Variants in DLG2 observed in about 807,000 individuals in gnomAD.
DLG2 encodes disks large homolog 2.
Under a neutral mutation model 132.5 loss-of-function variants are expected in DLG2, and 45 were observed. The observed-to-expected ratio is 0.34, with a 90% confidence interval of 0.27 to 0.44. The LOEUF (loss-of-function observed/expected upper bound fraction) is 0.44. DLG2 is among the 20% of genes least tolerant of loss of function. The probability of loss-of-function intolerance (pLI) is 1.00; values close to 1 mark genes in which losing one functional copy is unlikely to be tolerated. For missense variants in DLG2, 1,045 were observed against 1,196.9 expected (o/e 0.87, Z 1.87); for synonymous variants, 424 against 419.6 (o/e 1.01, Z -0.13).
At chr11:84,326,796 C>T (rs2098435349) in intron 7 of DLG2, among the ~76,000 whole-genome samples, 1 of 152,112 alleles carries the variant, frequency 6.6e-6, no homozygotes, top group South Asian at 2.1e-4. Flanking sequence ...GATACTCTGT[C>T]CATTATTGAA....
At chr11:85,507,738 A>G (rs1166974460) in intron 3 of DLG2, among the ~76,000 whole-genome samples, 1 of 152,006 alleles carries the variant, frequency 6.6e-6, no homozygotes, top group Non-Finnish European at 1.5e-5. Flanking sequence ...TATTTCCTGA[A>G]TTTGAATGTT....
intron 6 of DLG2, among the ~76,000 whole-genome samples, chr11:84,690,519 A>C (rs980765483): frequency 2.0e-5 from 3 of 151,904 alleles, no homozygotes; most frequent in African/African-American, 7.2e-5. Context: ...CTCTCATTGA[A>C]AACAATGTAG....
chr11:85,109,029 T>C (rs2072274433), intron 6 of DLG2, among the ~76,000 whole-genome samples: 1 of 148,174 alleles, frequency 6.7e-6, no homozygotes, highest in African/African-American at 2.5e-5. Flanking sequence ...ACCAGTTTGG[T>C]ATATCTCCAG....
intron 6 of DLG2, among the ~76,000 whole-genome samples, chr11:84,892,098 A>C (rs2089488483): frequency 6.6e-6 from 1 of 152,190 alleles, no homozygotes; most frequent in South Asian, 2.1e-4. Context: ...TGGGAATATA[A>C]TTGCATAGTA....
intron 6 of DLG2, among the ~76,000 whole-genome samples, chr11:84,623,319 G>T (rs760951712): frequency 6.6e-6 from 1 of 151,934 alleles, no homozygotes; most frequent in Non-Finnish European, 1.5e-5. Flanking sequence ...ACACAAACTT[G>T]CTCCCTCCCT....
chr11:83,795,483 A>G (rs1311683733), intron 17 of DLG2, among the ~76,000 whole-genome samples: 2 of 151,644 alleles, frequency 1.3e-5, no homozygotes, highest in East Asian at 3.9e-4. Context: ...AAGTTCCTTA[A>G]TCATACACAT....
chr11:83,675,725 C>A (rs1053490321), intron 18 of DLG2, among the ~76,000 whole-genome samples: 3 of 152,168 alleles, frequency 2.0e-5, no homozygotes, highest in African/African-American at 7.2e-5. Context: ...TGGCTTCTGG[C>A]TGTCTGGTGA....
intron 6 of DLG2, among the ~76,000 whole-genome samples, chr11:84,566,453 C>A (rs2099456202): frequency 6.6e-6 from 1 of 152,106 alleles, no homozygotes; most frequent in Non-Finnish European, 1.5e-5. Context: ...GGATAATGCC[C>A]AGTGAATACA....
intron 6 of DLG2, among the ~76,000 whole-genome samples, chr11:84,904,876 G>A (rs1386882147): frequency 6.6e-6 from 1 of 152,072 alleles, no homozygotes; most frequent in African/African-American, 2.4e-5. Flanking sequence ...ATGTTTATTA[G>A]GCTCATTGTA....
At chr11:83,865,780 G>C (rs1012772822) in intron 16 of DLG2, among the ~76,000 whole-genome samples, 1 of 152,128 alleles carries the variant, frequency 6.6e-6, no homozygotes, top group Non-Finnish European at 1.5e-5. Context: ...TGATAAGCAA[G>C]TGGAAGACCC....
intron 25 of DLG2, among the ~76,000 whole-genome samples, chr11:83,468,207 A>C (rs185471007): frequency 6.6e-6 from 1 of 152,200 alleles, no homozygotes; most frequent in Non-Finnish European, 1.5e-5. Context: ...ATGAAAATGA[A>C]TACAGTCCAG....
chr11:84,312,739 C>A (rs1023249129), intron 7 of DLG2, among the ~76,000 whole-genome samples: 1 of 152,096 alleles, frequency 6.6e-6, no homozygotes, highest in Non-Finnish European at 1.5e-5. Flanking sequence ...CCATTATAGG[C>A]TGTAAGCTCC....
At chr11:84,708,030 G>A (rs1469243892) in intron 6 of DLG2, among the ~76,000 whole-genome samples, 1 of 151,718 alleles carries the variant, frequency 6.6e-6, no homozygotes, top group Non-Finnish European at 1.5e-5. Flanking sequence ...GTCACTTTGG[G>A]CAAGGTATAG....
chr11:85,602,778 T>C (rs2080258708), intron 2 of DLG2, among the ~76,000 whole-genome samples: 1 of 152,166 alleles, frequency 6.6e-6, no homozygotes, highest in African/African-American at 2.4e-5. Context: ...AACCACAGTA[T>C]GCTGTTTCTC....
intron 22 of DLG2, among the ~76,000 whole-genome samples, chr11:83,477,274 C>G (rs927101520): frequency 6.6e-6 from 1 of 152,080 alleles, no homozygotes; most frequent in African/African-American, 2.4e-5. Context: ...GCCAAAAATA[C>G]AAGGCTGAAT....
chr11:84,370,750 G>T (rs766778115), intron 7 of DLG2, among the ~76,000 whole-genome samples: 1 of 152,138 alleles, frequency 6.6e-6, no homozygotes, highest in Non-Finnish European at 1.5e-5. Flanking sequence ...TTATAGGTTC[G>T]TTATAGGCGT....
chr11:85,178,583 T>C (rs1370872206), intron 4 of DLG2, among the ~76,000 whole-genome samples: 1 of 151,778 alleles, frequency 6.6e-6, no homozygotes, highest in Non-Finnish European at 1.5e-5. Flanking sequence ...ATAAACAGAA[T>C]GCTCAGAGAT....
intron 17 of DLG2, chr11:83,815,261 C>T (rs2048526763): frequency 1.3e-5 from 2 of 152,302 alleles, no homozygotes; most frequent in African/African-American, 4.8e-5. Context: ...GATCCATTGT[C>T]TCACACCCTT....
At chr11:84,277,589 C>T (rs906562528) in intron 7 of DLG2, among the ~76,000 whole-genome samples, 5 of 152,174 alleles carry the variant, frequency 3.3e-5, no homozygotes, top group Non-Finnish European at 7.4e-5. Flanking sequence ...AGGAAACATA[C>T]ATATCACTAC....
Sources: allele counts gnomAD v4.1 joint callset (sites outside exome capture counted in the v4.1 genomes callset), GRCh38; gene constraint gnomAD v4.1.1; transcripts MANE v1.5; gene names NCBI Gene and HGNC (gene_info 2026-07-23, HGNC 2026-07-21).